The following FAM178B variants were observed in gnomAD, a reference collection of about 807,000 sequenced individuals.
FAM178B encodes the protein protein FAM178B.
Under a neutral mutation model 91.7 loss-of-function variants are expected in FAM178B, and 82 were observed. The ratio of observed to expected loss-of-function variants is 0.89; its 90% CI spans 0.75 to 1.07. The LOEUF (loss-of-function observed/expected upper bound fraction) is 1.07. FAM178B is among the 50% of genes least tolerant of loss of function. The probability of loss-of-function intolerance (pLI) is 0.00; values close to 1 mark genes in which losing one functional copy is unlikely to be tolerated. For missense variants in FAM178B, 769 were observed against 846.7 expected, an observed-to-expected ratio of 0.91 and a Z score of 1.14; for synonymous variants, 368 against 359.4, an observed-to-expected ratio of 1.02 and a Z score of -0.27.
At chr2:96,881,641 G>A (rs971281225) in intron 14 of FAM178B, among the ~76,000 whole-genome samples, 61 of 151,820 alleles carry the variant, frequency 4.0e-4, no homozygotes, top group Non-Finnish European at 1.6e-4. Flanking sequence ...GGAACATCAG[G>A]GAGGAAAAAT....
At chr2:96,888,706 C>G (rs150620733) in intron 14 of FAM178B, among the ~76,000 whole-genome samples, 1 of 152,256 alleles carries the variant, frequency 6.6e-6, no homozygotes, top group Non-Finnish European at 1.5e-5. Context: ...TCAACACACG[C>G]GGCACACCAC....
At chr2:96,884,043 C>T (rs1158135404) in intron 14 of FAM178B, among the ~76,000 whole-genome samples, 1 of 152,182 alleles carries the variant, frequency 6.6e-6, no homozygotes, top group African/African-American at 2.4e-5. Flanking sequence ...CTGGTCTACC[C>T]TGGGCCCTTT....
chr2:96,878,354 C>T (rs990571212), intron 15 of FAM178B, 62 bp downstream of exon 15: 36 of 1,512,748 alleles, frequency 2.4e-5, no homozygotes, highest in South Asian at 1.6e-4. Flanking sequence ...CAACCCCCGC[C>T]GCTTGGGGGA....
At chr2:96,894,576 C>G (rs1457744878) in intron 13 of FAM178B, among the ~76,000 whole-genome samples, 3 of 112,544 alleles carry the variant, frequency 2.7e-5, no homozygotes, top group South Asian at 6.9e-4. Flanking sequence ...CCACCCACAT[C>G]CACCTACCCA....
chr2:96,972,940 C>T (rs2082242959), intron 1 of FAM178B, among the ~76,000 whole-genome samples: 1 of 151,938 alleles, frequency 6.6e-6, no homozygotes, highest in Non-Finnish European at 1.5e-5. Context: ...GCCTCAGCCT[C>T]CCAAGTAGCT....
At chr2:96,889,627 A>C (rs2080615908) in intron 14 of FAM178B, among the ~76,000 whole-genome samples, 2 of 151,572 alleles carry the variant, frequency 1.3e-5, no homozygotes, top group Non-Finnish European at 2.9e-5. Flanking sequence ...GCAGTGAACC[A>C]AGATTGTGCC....
chr2:96,946,941 G>GA (rs1476656204), intron 8 of FAM178B, among the ~76,000 whole-genome samples: 1 of 152,226 alleles, frequency 6.6e-6, no homozygotes, highest in Non-Finnish European at 1.5e-5. Context: ...GCCAACTCCT[G>GA]AAGCAGAAGA....
intron 12 of FAM178B, among the ~76,000 whole-genome samples, chr2:96,905,595 C>T (rs1228947777): frequency 6.7e-6 from 1 of 148,586 alleles, no homozygotes; most frequent in Non-Finnish European, 1.5e-5. Flanking sequence ...AAAAAAAGTT[C>T]AGCTGGAAGG....
At chr2:96,936,636 A>C (rs920520375) in intron 8 of FAM178B, among the ~76,000 whole-genome samples, 1 of 151,650 alleles carries the variant, frequency 6.6e-6, no homozygotes, top group African/African-American at 2.4e-5. Context: ...CAACCTCCCA[A>C]GTAACTGGGA....
chr2:96,972,330 C>T lies in FAM178B; in HGVS notation c.143-8G>A. The T allele has an allele frequency of 6.8e-7, 1 of 1,468,110 alleles. No individual in the cohort carries two copies. The highest frequency in any genetic ancestry group is 1.4e-5 in the South Asian group (1 of 70,948). The allele number at this position is 1,468,110 out of a possible 1,614,324, so 90.9% of individuals were successfully genotyped here. On this transcript the variant is annotated splice_polypyrimidine_tract_variant and splice_region_variant and intron_variant, in intron 2 of 16. Coordinates refer to ENST00000490605, the MANE Select transcript of FAM178B (RefSeq NM_001122646.3). ...TGGCGGCAGCCTGCACCCCTGCAGA[C>T]AGGACAGAATACTGTGGTCCCTCTG...
chr2:96,887,112 G>A (rs903742260), intron 14 of FAM178B, among the ~76,000 whole-genome samples: 1 of 152,160 alleles, frequency 6.6e-6, no homozygotes, highest in Non-Finnish European at 1.5e-5. Context: ...CTACTCGGGA[G>A]GTTGAGGCAG....
chr2:96,950,695 C>T (rs1220503199), intron 7 of FAM178B, among the ~76,000 whole-genome samples: 1 of 152,186 alleles, frequency 6.6e-6, no homozygotes, highest in African/African-American at 2.4e-5. Context: ...CTTCTCACTG[C>T]CTCTCTCTGT....
intron 8 of FAM178B, among the ~76,000 whole-genome samples, chr2:96,934,187 A>G (rs1334088508): frequency 6.6e-6 from 1 of 152,122 alleles, no homozygotes; most frequent in Non-Finnish European, 1.5e-5. Context: ...GCACACATGA[A>G]AGATACATAA....
intron 1 of FAM178B, 67 bp from the exon 2 acceptor site, chr2:96,972,673 A>G: frequency 6.9e-7 from 1 of 1,450,714 alleles, no homozygotes; most frequent in South Asian, 1.2e-5. Flanking sequence ...AAACCCCGTG[A>G]TTCCCACAGA....
chr2:96,960,663 G>GT lies in FAM178B; in HGVS notation c.735-224_735-223insA, dbSNP rs1462283017. ...CAATAAGGCCTATCCCTTGCTCAGG[G>GT]CACCAGTCCAGCAGCCAGAAGACCC... On this transcript the variant is annotated intron_variant, in intron 5 of 16. Transcript: ENST00000490605. Among the ~76,000 whole-genome samples the GT allele has an allele frequency of 6.6e-5, 10 of 152,336 alleles. No individual in the cohort carries two copies. The South Asian group carries it at 8.3e-4, about 13-fold the overall frequency.
chr2:96,923,361 G>T, intron 10 of FAM178B, 129 bp downstream of exon 10: 1 of 709,354 alleles, frequency 1.4e-6, no homozygotes, highest in Non-Finnish European at 2.5e-6. Flanking sequence ...CCGGCCCACA[G>T]CCAGCACAGT....
rs1387418682 is a variant in FAM178B, at chr2:96,960,531, C to G, written c.735-91G>C. Reference sequence around the variant, plus strand: ...TAGCCCAGGGAAGGATAGAGGGGGGCCACGGGCTCCCTGCCTTGCAGTCCT... The same window carrying G: ...TAGCCCAGGGAAGGATAGAGGGGGGGCACGGGCTCCCTGCCTTGCAGTCCT... On this transcript the variant is annotated intron_variant, in intron 5 of 16. Transcript: ENST00000490605. The G allele has an allele frequency of 3.6e-6, 5 of 1,391,764 alleles. No individual in the cohort carries two copies. The African/African-American group carries it at 5.8e-5, about 16-fold the overall frequency. The allele number at this position is 1,391,764 out of a possible 1,614,324, so 86.2% of individuals were successfully genotyped here.
intron 9 of FAM178B, among the ~76,000 whole-genome samples, chr2:96,927,460 C>T (rs771497776): frequency 6.6e-5 from 10 of 152,320 alleles, no homozygotes; most frequent in African/African-American, 1.4e-4. Context: ...GATGTTAAAA[C>T]GGTGTGTCTG....
chr2:96,877,877 G>C lies in FAM178B; in HGVS notation c.2007+13C>G. 6.2e-7 allele frequency: 1 copy of C among 1,611,548 alleles called. No homozygotes were observed. Among genetic ancestry groups the C allele is most frequent in the Non-Finnish European group, 8.5e-7 (1 of 1,179,772 alleles). On this transcript the variant is annotated intron_variant, in intron 16 of 16. Coordinates refer to ENST00000490605, the MANE Select transcript of FAM178B (RefSeq NM_001122646.3). Reference sequence around the variant, plus strand: ...CCGCCCCTCCCAGGTCTGGGGGCTAGAGGGGGCACCACCTGGGGCTGGCAG... The same window carrying C: ...CCGCCCCTCCCAGGTCTGGGGGCTACAGGGGGCACCACCTGGGGCTGGCAG...
Sources: gnomAD v4.1 joint callset for allele counts (sites outside exome capture counted in the v4.1 genomes callset) on GRCh38, gnomAD v4.1.1 for gene constraint, MANE v1.5 for transcripts, NCBI Gene and HGNC (gene_info 2026-07-23, HGNC 2026-07-21) for gene names.